Variants in FYB2 observed in about 807,000 individuals in gnomAD.
FYB2 encodes FYN binding protein 2.
In FYB2, 103 loss-of-function variants were observed where a neutral mutation model predicts 94.1. The ratio of observed to expected loss-of-function variants is 1.09; its 90% CI spans 0.93 to 1.29. FYB2 has a LOEUF of 1.29. Ranked by LOEUF, FYB2 falls within the 50% of genes most tolerant of loss-of-function variation. The pLI, the probability that FYB2 is intolerant of heterozygous loss-of-function variation, is 0.00. For missense variants in FYB2, 896 were observed against 841.5 expected (o/e 1.06, Z -0.80); for synonymous variants, 293 against 287.9 (o/e 1.02, Z -0.18).
chr1:56,742,164 A>G lies in FYB2; in HGVS notation c.1601T>C (p.Ile534Thr), dbSNP rs761632640. The change falls in exon 12 of 20, where the codon ATA becomes ACA. Residue 534 changes from isoleucine (I) to threonine (T), a missense_variant. By Grantham distance (89) the Ile-to-Thr change is moderately conservative. Transcript: ENST00000343433. ...VYKTKNNYPK[I>T]DLDGKEALKR... ...GCCAAGAAAGAGAGAAACTCACTCTATCTTTGGGTAGTTGTTCTTTGTTTT... is the reference window on the plus strand; with the variant it reads ...GCCAAGAAAGAGAGAAACTCACTCTGTCTTTGGGTAGTTGTTCTTTGTTTT... 1 of 1,603,992 alleles carries G rather than the reference A, an allele frequency of 6.2e-7. No individual in the cohort carries two copies. Among genetic ancestry groups the G allele is most frequent in the Non-Finnish European group, 8.5e-7 (1 of 1,172,346 alleles).
At chr1:56,734,814 T>TA (rs1359135620) in intron 15 of FYB2, among the ~76,000 whole-genome samples, 1 of 151,832 alleles carries the variant, frequency 6.6e-6, no homozygotes, top group Non-Finnish European at 1.5e-5. Flanking sequence ...TAAAGTATAA[T>TA]AAAAAATAAA....
chr1:56,773,518 C>T (rs1457061666), intron 4 of FYB2, among the ~76,000 whole-genome samples: 1 of 152,140 alleles, frequency 6.6e-6, no homozygotes, highest in Non-Finnish European at 1.5e-5. Context: ...CCTTCATTTC[C>T]TCATAGAGTC....
chr1:56,777,584 C>T lies in FYB2; in HGVS notation c.953+9591G>A, dbSNP rs74768023. On this transcript the variant is annotated intron_variant, in intron 4 of 19. Transcript: ENST00000343433. ...GACTGGATATACTTGAGTCTTAAGC[C>T]GAGTGCTGTCTAAGTCCATTCTATT... Among the ~76,000 whole-genome samples, 521 of 152,202 alleles carry T rather than the reference C, an allele frequency of 3.4e-3. 4 individuals carry two copies. Among genetic ancestry groups the T allele is most frequent in the African/African-American group, 0.011 (443 of 41,530 alleles).
chr1:56,765,425 A>G (rs1645598581), intron 5 of FYB2, among the ~76,000 whole-genome samples: 2 of 152,184 alleles, frequency 1.3e-5, no homozygotes, highest in Admixed American at 6.5e-5. Context: ...CCAGCTCCCT[A>G]CTTGACCTTC....
intron 3 of FYB2, among the ~76,000 whole-genome samples, chr1:56,787,951 C>T (rs542967770): frequency 8.5e-4 from 130 of 152,248 alleles, no homozygotes; most frequent in South Asian, 1.7e-3. Context: ...AGCCTATCTC[C>T]CCATATAGAA....
chr1:56,789,764 G>A (rs1329470096), intron 2 of FYB2, among the ~76,000 whole-genome samples: 7 of 152,136 alleles, frequency 4.6e-5, no homozygotes, highest in Non-Finnish European at 1.0e-4. Context: ...TGTGGGTGGG[G>A]ATGGTTTTGT....
intron 4 of FYB2, among the ~76,000 whole-genome samples, chr1:56,777,346 T>C (rs1345269974): frequency 1.3e-5 from 2 of 151,032 alleles, no homozygotes; most frequent in African/African-American, 4.9e-5. Context: ...GCTCAAACTA[T>C]GAATCCAAGG....
chr1:56,800,879 C>T (rs1348758717), intron 1 of FYB2, among the ~76,000 whole-genome samples: 1 of 152,150 alleles, frequency 6.6e-6, no homozygotes, highest in Non-Finnish European at 1.5e-5. Context: ...CCATGCATTA[C>T]CACTAATGCT....
intron 14 of FYB2, 111 bp downstream of exon 14, chr1:56,738,514 C>T (rs1569917350): frequency 8.8e-7 from 1 of 1,135,538 alleles, no homozygotes; most frequent in East Asian, 2.5e-5. Context: ...TTTGGTAGAG[C>T]AATTTTTCAT....
intron 17 of FYB2, among the ~76,000 whole-genome samples, chr1:56,721,618 C>A (rs1279018783): frequency 6.6e-6 from 1 of 152,010 alleles, no homozygotes; most frequent in East Asian, 1.9e-4. Flanking sequence ...AAGATGAGAT[C>A]CACACTGCTT....
chr1:56,788,933 T>C (rs1646194521), intron 3 of FYB2, 40 bp downstream of exon 3: 5 of 1,611,968 alleles, frequency 3.1e-6, no homozygotes, highest in Non-Finnish European at 4.2e-6. Flanking sequence ...CGGAGGTGAC[T>C]CCTGGTTGGC....
intron 4 of FYB2, among the ~76,000 whole-genome samples, chr1:56,777,239 C>CAAAAAAAAAAAAAAAAAAAA (rs1453236717): frequency 6.3e-4 from 3 of 4,798 alleles, no homozygotes; most frequent in Non-Finnish European, 7.8e-4. Context: ...GTCTCAAAAA[C>CAAAAAAAAAAAAAAAAAAAA]AAAAAAAAAA....
chr1:56,789,784 C>A (rs1449112534), intron 2 of FYB2, among the ~76,000 whole-genome samples: 1 of 152,122 alleles, frequency 6.6e-6, no homozygotes. Flanking sequence ...TATTGATCCC[C>A]CAGCACCAAG....
At chr1:56,796,774 T>A (rs926381137) in intron 1 of FYB2, among the ~76,000 whole-genome samples, 1 of 152,192 alleles carries the variant, frequency 6.6e-6, no homozygotes. Flanking sequence ...TGTTTTGCCC[T>A]TTCATGTAGC....
chr1:56,797,270 G>A (rs1009022776), intron 1 of FYB2, among the ~76,000 whole-genome samples: 4 of 152,164 alleles, frequency 2.6e-5, no homozygotes, highest in Non-Finnish European at 5.9e-5. Context: ...GAGAAGAAAG[G>A]AGAGGCCAAG....
At chr1:56,767,539 T>C (rs1645652926) in intron 5 of FYB2, among the ~76,000 whole-genome samples, 1 of 152,150 alleles carries the variant, frequency 6.6e-6, no homozygotes, top group Non-Finnish European at 1.5e-5. Flanking sequence ...ATCTTGATTT[T>C]CCCTCCCTCA....
chr1:56,790,224 C>T (rs1646229384), intron 2 of FYB2, among the ~76,000 whole-genome samples: 1 of 152,206 alleles, frequency 6.6e-6, no homozygotes, highest in Non-Finnish European at 1.5e-5. Flanking sequence ...TGGGAGACTT[C>T]CTGCTCTCCT....
intron 1 of FYB2, among the ~76,000 whole-genome samples, chr1:56,809,781 G>A (rs780960291): frequency 1.7e-4 from 26 of 152,172 alleles, no homozygotes; most frequent in Non-Finnish European, 2.8e-4. Flanking sequence ...TAAGAACATG[G>A]GCTTTGGATT....
rs767083795 is a variant in FYB2 at position 56,792,220 on chromosome 1, TTCTGGGAAGGAAGAG to T, written c.578_592del (p.Thr193_Gln197del). 3.1e-6 allele frequency: 5 copies of T among 1,613,904 alleles called. No homozygotes were observed. The highest frequency in any genetic ancestry group is 4.2e-6 in the Non-Finnish European group (5 of 1,179,938). ...TAATATTTTGGGGGCCACCACGTGC[TTCTGGGAAGGAAGAG>T]TCTGGGCTCCTTTTGTTTCCAGCTT... On this transcript the variant is annotated inframe_deletion, in exon 2 of 20. Coordinates refer to ENST00000343433, the MANE Select transcript of FYB2 (RefSeq NM_001004303.5).
Sources: gnomAD v4.1 joint callset for allele counts (sites outside exome capture counted in the v4.1 genomes callset) on GRCh38, gnomAD v4.1.1 for gene constraint, MANE v1.5 for transcripts, NCBI Gene and HGNC (gene_info 2026-07-23, HGNC 2026-07-21) for gene names.